ABCD2: variants seen among roughly 807,000 people sequenced by gnomAD.
The protein encoded by ABCD2 is ATP-binding cassette sub-family D member 2.
ABCD2 carries 36 observed loss-of-function variants against 70.9 expected under a neutral mutation model. The ratio of observed to expected loss-of-function variants is 0.51; its 90% CI spans 0.39 to 0.67. ABCD2 has a LOEUF of 0.67. Ranked by LOEUF, ABCD2 falls within the 30% of genes least tolerant of loss-of-function variation. ABCD2 has a pLI of 0.00. For synonymous variants in ABCD2, 304 were observed against 306.9 expected (o/e 0.99, Z 0.10); for missense variants, 729 against 890.2 (o/e 0.82, Z 2.30).
intron 8 of ABCD2, among the ~76,000 whole-genome samples, chr12:39,576,875 C>T (rs906836878): frequency 2.6e-5 from 4 of 151,784 alleles, no homozygotes; most frequent in Admixed American, 1.3e-4. Context: ...CAATTGTATA[C>T]CTAAAATATG....
Position 39,618,973 on chromosome 12 carries a change from T to C in ABCD2, c.643A>G (p.Met215Val). 6 of 1,614,228 alleles carry C rather than the reference T, an allele frequency of 3.7e-6. No homozygotes were observed. The highest frequency in any genetic ancestry group is 3.4e-6 in the Non-Finnish European group (4 of 1,180,036). The stretch of plus-strand genomic sequence containing the variant: ...TGAGCCACAGATTGGGAGAACATCA[T>C]AATATCCTCCGTAAGAGATTGGTCA... ...NPDQSLTEDI[M>V]MFSQSVAHLY... Residue 215 changes from methionine to valine, a missense_variant, in exon 1 of 10, where the codon ATG becomes GTG. By Grantham distance (21) the Met-to-Val change is conservative. Transcript: ENST00000308666.
rs1941266453 is a variant in ABCD2 at position 39,561,969 on chromosome 12, G to T, written c.2004-7838C>A. On this transcript the variant is annotated intron_variant, in intron 9 of 9. Transcript: ENST00000308666. ...AAACAAGTCTTCAAAAATTTAAGAA[G>T]ATTGAAATTATATCAAGTGTCTTTT... Among the ~76,000 whole-genome samples, 3 of 152,114 alleles carry T rather than the reference G, an allele frequency of 2.0e-5. No individual in the cohort carries two copies. In the South Asian group the frequency reaches 6.2e-4, roughly 31 times the overall value.
In ABCD2 at chr12:39,619,263, G is replaced by C. The variant is rs1290860282; in HGVS notation, c.353C>G (p.Thr118Ser). 3 of 1,614,018 alleles carry C rather than the reference G, an allele frequency of 1.9e-6. No homozygotes were observed. The highest frequency in any genetic ancestry group is 2.5e-6 in the Non-Finnish European group (3 of 1,180,024). ...ACCAGCCACATAGATAGAAAGAAAG[G>C]TTCTTGAGATTAGAGCCACTGAGTG... ...CLHSVALISR[T>S]FLSIYVAGLD... The change falls in exon 1 of 10, where the codon ACC (threonine) becomes AGC (serine). Residue 118 changes from threonine (T) to serine (S), a missense_variant. Thr to Ser is a moderately conservative substitution (Grantham distance 58). Coordinates refer to ENST00000308666, the MANE Select transcript of ABCD2 (RefSeq NM_005164.4).
intron 9 of ABCD2, among the ~76,000 whole-genome samples, chr12:39,568,628 G>T (rs1042108414): frequency 6.6e-6 from 1 of 152,104 alleles, no homozygotes; most frequent in South Asian, 2.1e-4. Flanking sequence ...CTCTGAACTC[G>T]TCAAAGTCAT....
chr12:39,617,406 T>A (rs1017055613), intron 1 of ABCD2, among the ~76,000 whole-genome samples: 1 of 152,094 alleles, frequency 6.6e-6, no homozygotes, highest in African/African-American at 2.4e-5. Flanking sequence ...TATTTAAATT[T>A]TATGTATGAG....
At chr12:39,534,774 GAA>G in the ABCD2 span, among the ~76,000 whole-genome samples, 5 of 112,284 alleles carry the variant, frequency 4.5e-5, no homozygotes, top group African/African-American at 1.3e-4. Context: ...AAGAAAGAAA[GAA>G]AGAAAGAAAG....
rs1443330026 is a variant in ABCD2, at chr12:39,553,242, A to G, written c.*670T>C. The G allele has an allele frequency of 2.6e-5, 4 of 152,030 alleles. No homozygotes were observed. The highest frequency in any genetic ancestry group is 5.9e-5 in the Non-Finnish European group (4 of 67,916). 9.4% of individuals were successfully genotyped at this position (152,030 alleles called of 1,614,324 possible). On this transcript the variant is annotated 3_prime_UTR_variant, in exon 10 of 10. Coordinates refer to ENST00000308666, the MANE Select transcript of ABCD2 (RefSeq NM_005164.4). The stretch of plus-strand genomic sequence containing the variant: ...GCAATTCTCTTTTTAAAATGAAAGG[A>G]TTTATTAAAAATATTTAAGATTTGT...
the ABCD2 span, among the ~76,000 whole-genome samples, chr12:39,540,727 G>A: frequency 4.4e-3 from 663 of 152,272 alleles, 5 homozygotes; most frequent in African/African-American, 0.015. Context: ...TATGATCCCA[G>A]GTCTTTAGAA....
chr12:39,562,404 T>C (rs1941273116), intron 9 of ABCD2, among the ~76,000 whole-genome samples: 1 of 151,794 alleles, frequency 6.6e-6, no homozygotes, highest in Admixed American at 6.6e-5. Flanking sequence ...AAATGAATAA[T>C]TGATTTTTTC....
chr12:39,534,888 GAAAGAA>G, the ABCD2 span, among the ~76,000 whole-genome samples: 10 of 3,456 alleles, frequency 2.9e-3, no homozygotes, highest in Non-Finnish European at 5.9e-3. Context: ...AGGAAGGAAA[GAAAGAA>G]AGAAAGAAAG....
chr12:39,569,235 C>G (rs754949328), intron 9 of ABCD2, among the ~76,000 whole-genome samples: 5 of 152,210 alleles, frequency 3.3e-5, no homozygotes, highest in African/African-American at 9.6e-5. Context: ...GTTGAGTCTA[C>G]AGATCCAAGC....
At chr12:39,573,365 C>T (rs960205413) in intron 9 of ABCD2, among the ~76,000 whole-genome samples, 6 of 151,902 alleles carry the variant, frequency 3.9e-5, no homozygotes, top group African/African-American at 1.5e-4. Flanking sequence ...TTTTTTTCCC[C>T]AGATTTTACT....
downstream of ABCD2, among the ~76,000 whole-genome samples, chr12:39,545,783 T>C (rs1356406741): frequency 6.6e-6 from 1 of 152,160 alleles, no homozygotes. Flanking sequence ...GACCTCTTTA[T>C]GGTCATTGGC....
At chr12:39,560,842 T>A (rs1456127868) in intron 9 of ABCD2, among the ~76,000 whole-genome samples, 4 of 152,030 alleles carry the variant, frequency 2.6e-5, no homozygotes, top group African/African-American at 7.2e-5. Context: ...AAATAACATG[T>A]TTAACTATAA....
At chr12:39,566,328 A>T (rs971148875) in intron 9 of ABCD2, among the ~76,000 whole-genome samples, 1 of 152,106 alleles carries the variant, frequency 6.6e-6, no homozygotes, top group Non-Finnish European at 1.5e-5. Flanking sequence ...GTTTATTCAG[A>T]GATTGAAATT....
chr12:39,584,361 GTTGT>G (rs1478402008), intron 7 of ABCD2, among the ~76,000 whole-genome samples: 2 of 152,048 alleles, frequency 1.3e-5, no homozygotes, highest in Non-Finnish European at 2.9e-5. Context: ...TTGTAATGGT[GTTGT>G]TTGTTTTTCC....
the ABCD2 span, among the ~76,000 whole-genome samples, chr12:39,543,507 A>C: frequency 6.6e-6 from 1 of 152,332 alleles, no homozygotes; most frequent in South Asian, 2.1e-4. Context: ...TGGACACATT[A>C]AAATTGTGTA....
chr12:39,559,770 C>T (rs1046701252), intron 9 of ABCD2, among the ~76,000 whole-genome samples: 20 of 152,134 alleles, frequency 1.3e-4, no homozygotes, highest in Non-Finnish European at 2.4e-4. Context: ...GAATTCTGTT[C>T]TTAGCAAAAT....
chr12:39,584,418 A>G (rs1181898109), intron 7 of ABCD2, among the ~76,000 whole-genome samples: 1 of 152,104 alleles, frequency 6.6e-6, no homozygotes, highest in African/African-American at 2.4e-5. Context: ...TAGATATTAG[A>G]CTTTTGTCAG....
Sources: allele counts gnomAD v4.1 joint callset (sites outside exome capture counted in the v4.1 genomes callset), GRCh38; gene constraint gnomAD v4.1.1; transcripts MANE v1.5; gene names NCBI Gene and HGNC (gene_info 2026-07-23, HGNC 2026-07-21).